CHD4: variants seen among roughly 807,000 people sequenced by gnomAD.
CHD4 encodes the protein ATP-dependent chromatin remodeler CHD4.
In CHD4, 35 loss-of-function variants were observed where a neutral mutation model predicts 235.5. That is an observed-to-expected ratio of 0.15 (90% CI 0.11 to 0.20). The LOEUF (loss-of-function observed/expected upper bound fraction) is 0.20, where lower values mean the gene tolerates loss of function less well. CHD4 is among the 10% of genes least tolerant of loss of function. The probability of loss-of-function intolerance (pLI) is 1.00; values close to 1 mark genes in which losing one functional copy is unlikely to be tolerated. For synonymous variants in CHD4, 900 were observed against 850.2 expected, an observed-to-expected ratio of 1.06 and a Z score of -1.02; for missense variants, 1,329 against 2,432.3, an observed-to-expected ratio of 0.55 and a Z score of 9.54.
At chr12:6,595,496 G>A (rs974649781) in intron 13 of CHD4, 66 bp from the exon 14 acceptor site, 32 of 1,387,096 alleles carry the variant, frequency 2.3e-5, no homozygotes, top group Non-Finnish European at 3.3e-5. Flanking sequence ...ACTTGGCCAG[G>A]CACAGTGGCT....
chr12:6,592,968 A>G, intron 17 of CHD4, 123 bp downstream of exon 17: 1 of 1,515,834 alleles, frequency 6.6e-7, no homozygotes. Context: ...TGTCACATAC[A>G]AGGAAGGAAG....
rs372460785 is a variant in CHD4 at position 6,582,117 on chromosome 12, G to C, written c.4515+20C>G. ...TGCGCCTGGCCCCCTAGAAACAATG[G>C]CAAGAGGCTCAGGGCTCACCTTCTT... On this transcript the variant is annotated intron_variant, in intron 30 of 39. Coordinates refer to ENST00000544040, the MANE Select transcript of CHD4 (RefSeq NM_001273.5). 2 of 1,529,430 alleles carry C rather than the reference G, an allele frequency of 1.3e-6. No individual in the cohort carries two copies. The highest frequency in any genetic ancestry group is 4.7e-5 in the East Asian group (2 of 42,770). The allele number at this position is 1,529,430 out of a possible 1,614,324, so 94.7% of individuals were successfully genotyped here.
chr12:6,593,051 C>T lies in CHD4; in HGVS notation c.2652+40G>A. 8 of 1,608,012 alleles carry T rather than the reference C, an allele frequency of 5.0e-6. No homozygotes were observed. The highest frequency in any genetic ancestry group is 6.8e-6 in the Non-Finnish European group (8 of 1,178,030). ...AATGAATTGGTAGTACTAGAAAAAA[C>T]CCAAAGTGGGGGCTCCAACATCCCT... On this transcript the variant is annotated intron_variant, in intron 17 of 39. Transcript: ENST00000544040. The surrounding 1 kb of genome is among the most constrained non-coding windows in gnomAD (Gnocchi z 4.9).
At chr12:6,606,935 G>A (rs1435951520) in intron 1 of CHD4, 2 of 151,796 alleles carry the variant, frequency 1.3e-5, no homozygotes, top group African/African-American at 4.8e-5. Context: ...GGGGCGTGGA[G>A]GCTCGGGCGC....
chr12:6,571,523 A>G (rs1412376363), intron 38 of CHD4: 1 of 155,278 alleles, frequency 6.4e-6, no homozygotes, highest in Admixed American at 6.3e-5. Context: ...GAACCTGAAT[A>G]TGTTTAAAGT....
chr12:6,592,592 T>G lies in CHD4; in HGVS notation c.2775-26A>C, dbSNP rs765276010. The G allele has an allele frequency of 8.2e-6, 13 of 1,581,858 alleles. No individual in the cohort carries two copies. The African/African-American group carries it at 1.6e-4, about 20-fold the overall frequency. On this transcript the variant is annotated intron_variant, in intron 18 of 39. Transcript: ENST00000544040. Reference sequence around the variant, plus strand: ...CTTCAGAAAGAAAAAGGAAAAAAGTTATTGGAGAAGGAGAAAGGAAGAAAG... The same window carrying G: ...CTTCAGAAAGAAAAAGGAAAAAAGTGATTGGAGAAGGAGAAAGGAAGAAAG...
At chr12:6,600,091 T>C in intron 9 of CHD4, 79 bp from the exon 10 acceptor site, 2 of 1,582,878 alleles carry the variant, frequency 1.3e-6, no homozygotes, top group South Asian at 1.2e-5. Context: ...ATCATTCCTT[T>C]GAATGCTTCC....
intron 22 of CHD4, among the ~76,000 whole-genome samples, chr12:6,589,638 G>T (rs1368572305): frequency 6.6e-6 from 1 of 151,292 alleles, no homozygotes; most frequent in African/African-American, 2.4e-5. Flanking sequence ...GTGGTGGCGG[G>T]TGCCTGTAAT....
intron 20 of CHD4, 38 bp from the exon 21 acceptor site, chr12:6,591,863 G>C: frequency 6.2e-7 from 1 of 1,613,792 alleles, no homozygotes; most frequent in South Asian, 1.1e-5. Flanking sequence ...TTAAAAGAAA[G>C]CCCACATGGA....
chr12:6,598,243 G>A lies in CHD4; in HGVS notation c.1665C>T (p.Cys555=). The change falls in exon 11 of 40, where the codon TGC becomes TGT. Residue 555 remains cysteine (C), a synonymous_variant. Transcript: ENST00000544040. ...VKWQGMSYWH[C]SWVSELQLEL... is the part of the protein sequence containing the mutation. ...TTACCTGCAGTTCAGAAACCCAGGA[G>A]CAGTGCCAGTAAGACATGCCTTGCC... 6.2e-7 allele frequency: 1 copy of A among 1,613,362 alleles called. No homozygotes were observed. The highest frequency in any genetic ancestry group is 8.5e-7 in the Non-Finnish European group (1 of 1,179,412).
At chr12:6,578,163 G>A (rs372281614) in intron 35 of CHD4, 26 bp from the exon 36 acceptor site, 1 of 1,585,410 alleles carries the variant, frequency 6.3e-7, no homozygotes, top group Non-Finnish European at 8.6e-7. Context: ...GGGAAGGTTG[G>A]GGGTGGGGGG....
Position 6,599,775 on chromosome 12 carries a change from T to C in CHD4, c.1480A>G (p.Thr494Ala). The C allele has an allele frequency of 2.5e-6, 4 of 1,614,102 alleles. No individual in the cohort carries two copies. Among genetic ancestry groups the C allele is most frequent in the Non-Finnish European group, 3.4e-6 (4 of 1,180,016 alleles). ...CCCGGCTGAGATCAGTCACTCACCG[T>C]ACAACGGGGACAGAGCCATTCACCG... ...PNGEWLCPRC[T>A]CPALKGKVQK... is the part of the protein sequence containing the mutation. The change falls in exon 10 of 40, where the codon ACG becomes GCG. Residue 494 changes from threonine to alanine, a missense_variant and splice_region_variant. Transcript: ENST00000544040.
At chr12:6,605,365 G>A (rs1389723064) in intron 2 of CHD4, among the ~76,000 whole-genome samples, 1 of 152,216 alleles carries the variant, frequency 6.6e-6, no homozygotes, top group African/African-American at 2.4e-5. Context: ...AAAGGACACA[G>A]AAGAGAAAGA....
At chr12:6,577,697 C>A in intron 37 of CHD4, 88 bp downstream of exon 37, 2 of 1,538,216 alleles carry the variant, frequency 1.3e-6, no homozygotes, top group East Asian at 2.3e-5. Flanking sequence ...GAGAACAGTG[C>A]GCTGGATGGA....
At chr12:6,596,366 T>C (rs1011530349) in intron 12 of CHD4, among the ~76,000 whole-genome samples, 2 of 152,120 alleles carry the variant, frequency 1.3e-5, no homozygotes, top group South Asian at 2.1e-4. Flanking sequence ...ACATAGAGTG[T>C]TGGCCGGGTG....
chr12:6,585,249 C>A (rs1201363401), intron 25 of CHD4, among the ~76,000 whole-genome samples: 3 of 151,992 alleles, frequency 2.0e-5, no homozygotes, highest in Admixed American at 6.6e-5. Context: ...CTATAAAAGA[C>A]CAAGAAAAAG....
rs1947943917 is a variant in CHD4, at chr12:6,570,459, A to G, written c.*217T>C. 3 of 587,210 alleles carry G rather than the reference A, an allele frequency of 5.1e-6. No homozygotes were observed. The highest frequency in any genetic ancestry group is 9.0e-6 in the Non-Finnish European group (3 of 334,392). The allele number at this position is 587,210 out of a possible 1,614,324, so 36.4% of individuals were successfully genotyped here. On this transcript the variant is annotated 3_prime_UTR_variant, in exon 40 of 40. Transcript: ENST00000544040. Reference sequence around the variant, plus strand: ...AAGGCCAGCCCGCCAGCTCCTGCAGATGGCGCCAGCGCTACTGCTGCATGT... The same window carrying G: ...AAGGCCAGCCCGCCAGCTCCTGCAGGTGGCGCCAGCGCTACTGCTGCATGT...
intron 38 of CHD4, chr12:6,572,844 G>C (rs1390010785): frequency 1.3e-5 from 5 of 378,710 alleles, no homozygotes; most frequent in African/African-American, 2.2e-5. Context: ...AGAGGCGTGA[G>C]CCACCGCGCC....
Position 6,592,722 on chromosome 12 carries a change from G to T in CHD4, c.2748C>A (p.Leu916=). The part of the protein sequence containing the change: ...QNNLEELFHL[L]NFLTPERFHN... ...GGAACCTCTCGGGGGTGAGAAAGTT[G>T]AGCAGATGAAACAACTCTTCCAGAT... The change falls in exon 18 of 40, where the codon CTC becomes CTA. Residue 916 remains leucine, a synonymous_variant. Coordinates refer to ENST00000544040, the MANE Select transcript of CHD4 (RefSeq NM_001273.5). The T allele has an allele frequency of 6.2e-7, 1 of 1,613,946 alleles. No individual in the cohort carries two copies. Among genetic ancestry groups the T allele is most frequent in the South Asian group, 1.1e-5 (1 of 91,070 alleles).
Sources: allele counts gnomAD v4.1 joint callset (sites outside exome capture counted in the v4.1 genomes callset), GRCh38; gene constraint gnomAD v4.1.1; non-coding constraint Gnocchi (gnomAD v3.1); transcripts MANE v1.5; gene names NCBI Gene and HGNC (gene_info 2026-07-23, HGNC 2026-07-21).